Variants in PEBP4 observed in about 807,000 individuals in gnomAD.
PEBP4 encodes the protein phosphatidylethanolamine-binding protein 4.
In PEBP4, 22 loss-of-function variants were observed where a neutral mutation model predicts 23.9. The ratio of observed to expected loss-of-function variants is 0.92; its 90% CI spans 0.66 to 1.31. The LOEUF is 1.31. Among genes scored for constraint, PEBP4 ranks in the 40% most tolerant of loss-of-function variants. The probability of loss-of-function intolerance (pLI) is 0.00; values close to 1 mark genes in which losing one functional copy is unlikely to be tolerated. For synonymous variants in PEBP4, 112 were observed against 99.3 expected (o/e 1.13, Z -0.76); for missense variants, 324 against 281.7 (o/e 1.15, Z -1.07).
At chr8:22,778,531 G>C (rs185235951) in intron 4 of PEBP4, among the ~76,000 whole-genome samples, 1 of 152,176 alleles carries the variant, frequency 6.6e-6, no homozygotes, top group East Asian at 1.9e-4. Context: ...CCCTCACCAA[G>C]TACGCCCACT....
chr8:22,909,674 G>A (rs905038330), intron 3 of PEBP4, among the ~76,000 whole-genome samples: 4 of 152,174 alleles, frequency 2.6e-5, no homozygotes, highest in African/African-American at 9.7e-5. Flanking sequence ...CAGTACTGTG[G>A]AGTGGTTAGG....
At chr8:22,898,940 C>T (rs1015363401) in intron 3 of PEBP4, among the ~76,000 whole-genome samples, 1 of 152,142 alleles carries the variant, frequency 6.6e-6, no homozygotes, top group Admixed American at 6.6e-5. Context: ...GAAACTGAGT[C>T]CCAGTATCCC....
chr8:22,727,957 C>T (rs1364591147), intron 4 of PEBP4, among the ~76,000 whole-genome samples: 5 of 152,076 alleles, frequency 3.3e-5, no homozygotes, highest in African/African-American at 1.2e-4. Flanking sequence ...GGGAGATGCT[C>T]AGATGAAAGA....
At chr8:22,920,896 C>T (rs1204860698) in intron 2 of PEBP4, among the ~76,000 whole-genome samples, 1 of 152,216 alleles carries the variant, frequency 6.6e-6, no homozygotes, top group African/African-American at 2.4e-5. Flanking sequence ...TTTCAAAATG[C>T]AAACATCCCT....
intron 3 of PEBP4, among the ~76,000 whole-genome samples, chr8:22,846,394 C>A (rs969635633): frequency 2.2e-4 from 34 of 152,176 alleles, no homozygotes; most frequent in African/African-American, 7.7e-4. Context: ...AGGCACTAAA[C>A]CCTGGATTGG....
chr8:22,872,549 C>T (rs752157894), intron 3 of PEBP4, among the ~76,000 whole-genome samples: 3 of 152,158 alleles, frequency 2.0e-5, no homozygotes, highest in African/African-American at 4.8e-5. Flanking sequence ...TTGTTCAGTA[C>T]GTGGAAAAAT....
At chr8:22,809,612 C>T (rs1806574936) in intron 4 of PEBP4, among the ~76,000 whole-genome samples, 1 of 152,134 alleles carries the variant, frequency 6.6e-6, no homozygotes, top group African/African-American at 2.4e-5. Context: ...CACTCTGGGC[C>T]TCAATTTCTC....
chr8:22,747,223 C>CT (rs1805140890), intron 4 of PEBP4, among the ~76,000 whole-genome samples: 1 of 152,230 alleles, frequency 6.6e-6, no homozygotes, highest in South Asian at 2.1e-4. Flanking sequence ...CACTTAGTGA[C>CT]TACCATAGTG....
intron 1 of PEBP4, 28 bp downstream of exon 1, chr8:22,927,795 C>T (rs1333857837): frequency 6.4e-7 from 1 of 1,570,466 alleles, no homozygotes; most frequent in Non-Finnish European, 8.7e-7. Flanking sequence ...GCCCCCGACC[C>T]CAGGGGCCCA....
chr8:22,756,749 G>T (rs1473701400), intron 4 of PEBP4, among the ~76,000 whole-genome samples: 1 of 152,186 alleles, frequency 6.6e-6, no homozygotes, highest in East Asian at 1.9e-4. Context: ...CTGGCAGGCT[G>T]GGAATTTCGG....
intron 3 of PEBP4, among the ~76,000 whole-genome samples, chr8:22,847,045 T>G (rs1807451638): frequency 6.6e-6 from 1 of 152,120 alleles, no homozygotes. Context: ...GGTAAATTGG[T>G]CCTCAAGAGA....
intron 3 of PEBP4, among the ~76,000 whole-genome samples, chr8:22,894,807 T>C (rs1563252399): frequency 6.6e-6 from 1 of 152,158 alleles, no homozygotes; most frequent in East Asian, 1.9e-4. Flanking sequence ...CTGGGAAAGA[T>C]GGAACCCTGT....
intron 3 of PEBP4, among the ~76,000 whole-genome samples, chr8:22,827,020 G>A (rs1806985172): frequency 6.6e-6 from 1 of 152,162 alleles, no homozygotes; most frequent in African/African-American, 2.4e-5. Flanking sequence ...TCCCTTTGCA[G>A]CAAGGAGAGC....
chr8:22,772,494 T>TCTCTC (rs35225879), intron 4 of PEBP4, among the ~76,000 whole-genome samples: 1 of 20,870 alleles, frequency 4.8e-5, no homozygotes, highest in African/African-American at 8.7e-5. Flanking sequence ...TCTCTCTCTC[T>TCTCTC]TTTTTTTTTT....
chr8:22,774,196 T>A (rs986458249), intron 4 of PEBP4, among the ~76,000 whole-genome samples: 2 of 152,214 alleles, frequency 1.3e-5, no homozygotes, highest in Non-Finnish European at 2.9e-5. Context: ...CTTTCTTTGC[T>A]CTCATCTTCC....
intron 3 of PEBP4, among the ~76,000 whole-genome samples, chr8:22,873,896 G>A (rs1353077515): frequency 6.6e-6 from 1 of 152,184 alleles, no homozygotes; most frequent in African/African-American, 2.4e-5. Flanking sequence ...GTGAACTTCA[G>A]GATTTGTAGG....
chr8:22,923,621 T>C (rs1170425569), intron 2 of PEBP4, among the ~76,000 whole-genome samples: 4 of 152,102 alleles, frequency 2.6e-5, no homozygotes, highest in African/African-American at 9.7e-5. Flanking sequence ...GGGCTTAGAA[T>C]TTCAGCTGCC....
intron 1 of PEBP4, among the ~76,000 whole-genome samples, chr8:22,933,796 T>G (rs1809497129): frequency 6.6e-6 from 1 of 152,188 alleles, no homozygotes; most frequent in Admixed American, 6.5e-5. Context: ...GGAATTTTGG[T>G]TTGTAATTCC....
chr8:22,813,873 A>C (rs1392688838), intron 4 of PEBP4, among the ~76,000 whole-genome samples: 1 of 152,192 alleles, frequency 6.6e-6, no homozygotes, highest in African/African-American at 2.4e-5. Context: ...AGGTATAGGA[A>C]GTTCCACCCC....
Sources: gnomAD v4.1 joint callset for allele counts (sites outside exome capture counted in the v4.1 genomes callset) on GRCh38, gnomAD v4.1.1 for gene constraint, MANE v1.5 for transcripts, NCBI Gene and HGNC (gene_info 2026-07-23, HGNC 2026-07-21) for gene names.